Variants in ARHGEF6 observed in about 807,000 individuals in gnomAD.
The protein encoded by ARHGEF6 is Rac/Cdc42 guanine nucleotide exchange factor 6.
Under a neutral mutation model 70.3 loss-of-function variants are expected in ARHGEF6, and 9 were observed. That is an observed-to-expected ratio of 0.13 (90% confidence interval 0.08 to 0.22). ARHGEF6 has a LOEUF of 0.22. ARHGEF6 is among the 10% of genes least tolerant of loss of function. The probability of loss-of-function intolerance (pLI) is 1.00; values close to 1 mark genes in which losing one functional copy is unlikely to be tolerated. For synonymous variants in ARHGEF6, 201 were observed against 207.8 expected (o/e 0.97, Z 0.28); for missense variants, 470 against 563.0 (o/e 0.83, Z 1.67).
At chrX:136,715,074 G>A (rs746772018) in intron 6 of ARHGEF6, among the ~76,000 whole-genome samples, 37 of 111,463 alleles carry the variant, frequency 3.3e-4, no homozygotes, top group African/African-American at 1.2e-3. Flanking sequence ...AAGAACACAG[G>A]ATGGCTTCAA....
rs193260794 is a variant in ARHGEF6 at position 136,706,716 on chromosome X, G to A, written c.1046+192C>T. ...CTGTATCCCCATCAGCTGGTACAGG[G>A]CCTTGCACATAGTAGGTGCTCAAGA... On this transcript the variant is annotated intron_variant, in intron 9 of 21. Coordinates refer to ENST00000250617, the MANE Select transcript of ARHGEF6 (RefSeq NM_004840.3). 2.7e-5 allele frequency among the ~76,000 whole-genome samples: 3 copies of A among 112,066 alleles called. No homozygotes were observed. The East Asian group carries it at 8.3e-4, about 31-fold the overall frequency.
intron 14 of ARHGEF6, among the ~76,000 whole-genome samples, 198 bp from the exon 15 acceptor site, chrX:136,681,074 T>C (rs982730927): frequency 8.9e-6 from 1 of 112,505 alleles, no homozygotes; most frequent in Non-Finnish European, 1.9e-5. Flanking sequence ...AATATTCATG[T>C]CTGATTTAGA....
At chrX:136,709,044 T>C (rs904506328) in intron 7 of ARHGEF6, among the ~76,000 whole-genome samples, 3 of 112,182 alleles carry the variant, frequency 2.7e-5, no homozygotes, top group South Asian at 7.4e-4. Context: ...TGCTTAATAC[T>C]GAAGTATACA....
At chrX:136,704,909 C>A (rs1298983929) in intron 9 of ARHGEF6, among the ~76,000 whole-genome samples, 2 of 112,146 alleles carry the variant, frequency 1.8e-5, no homozygotes, top group African/African-American at 6.5e-5. Context: ...TGTCTATAAT[C>A]AAAAAGACTG....
intron 2 of ARHGEF6, 90 bp from the exon 3 acceptor site, chrX:136,747,682 CGGAAAAAAAA>C (rs1569418697): frequency 2.1e-5 from 4 of 187,634 alleles, no homozygotes; most frequent in East Asian, 1.9e-4. Flanking sequence ...TCCAGCTCTC[CGGAAAAAAAA>C]AAAAAAAAAA....
At chrX:136,725,346 T>A (rs1352778197) in intron 6 of ARHGEF6, among the ~76,000 whole-genome samples, 2 of 107,651 alleles carry the variant, frequency 1.9e-5, no homozygotes, top group Non-Finnish European at 3.8e-5. Flanking sequence ...GGTTAATAAG[T>A]CTTTTTATCA....
At chrX:136,722,864 T>C (rs1294083278) in intron 6 of ARHGEF6, among the ~76,000 whole-genome samples, 1 of 112,340 alleles carries the variant, frequency 8.9e-6, no homozygotes, top group African/African-American at 3.2e-5. Flanking sequence ...ACAGCAGCAT[T>C]TGTAATAATA....
At chrX:136,710,589 T>C (rs1210165127) in intron 7 of ARHGEF6, among the ~76,000 whole-genome samples, 1 of 109,459 alleles carries the variant, frequency 9.1e-6, no homozygotes, top group Non-Finnish European at 1.9e-5. Flanking sequence ...AGTTGGGGCC[T>C]TACCTGAACT....
At chrX:136,731,152 G>A (rs2076931130) in intron 6 of ARHGEF6, among the ~76,000 whole-genome samples, 1 of 112,163 alleles carries the variant, frequency 8.9e-6, no homozygotes, top group Non-Finnish European at 1.9e-5. Flanking sequence ...ATGTTACCTA[G>A]AGAGTTCCTT....
At chrX:136,738,340 G>A (rs1390927328) in intron 5 of ARHGEF6, among the ~76,000 whole-genome samples, 2 of 110,995 alleles carry the variant, frequency 1.8e-5, no homozygotes, top group Admixed American at 9.6e-5. Flanking sequence ...CCAATCACCC[G>A]CCCAACACAG....
chrX:136,686,645 CACAT>C (rs1418052004), intron 11 of ARHGEF6, among the ~76,000 whole-genome samples: 3 of 66,798 alleles, frequency 4.5e-5, no homozygotes, highest in Admixed American at 1.7e-4. Flanking sequence ...TATATATACA[CACAT>C]ATATATATAC....
Position 136,668,156 on chromosome X carries a change from A to C in ARHGEF6, c.2204T>G (p.Met735Arg). ...VRELKQENKRMKQCLEEELKS... is the reference protein window; with the variant it reads ...VRELKQENKRRKQCLEEELKS... The stretch of plus-strand genomic sequence containing the variant: ...CAGTTCTTCTTCCAGGCATTGCTTC[A>C]TTCTTTTATTTTCCTATGATGGGGA... The change falls in exon 22 of 22, where the codon ATG becomes AGG. Residue 735 changes from methionine (M) to arginine (R), a missense_variant. By Grantham distance (91) the Met-to-Arg change is moderately conservative. Transcript: ENST00000250617. 1 of 1,211,132 alleles carries C rather than the reference A, an allele frequency of 8.3e-7. No homozygotes were observed.
At chrX:136,676,070 CAT>C (rs1192773337) in intron 18 of ARHGEF6, among the ~76,000 whole-genome samples, 2 of 112,451 alleles carry the variant, frequency 1.8e-5, no homozygotes, top group African/African-American at 6.5e-5. Context: ...TACTCCTTCA[CAT>C]GTGTCCCAAA....
intron 5 of ARHGEF6, among the ~76,000 whole-genome samples, chrX:136,743,270 GAGA>G (rs2308033): frequency 0.33 from 36,878 of 110,586 alleles, 5,075 homozygotes; most frequent in African/African-American, 0.52. Flanking sequence ...TTAGAGTGGT[GAGA>G]AGGACTATGT....
At chrX:136,743,393 G>A (rs2077065063) in intron 5 of ARHGEF6, among the ~76,000 whole-genome samples, 192 bp downstream of exon 5, 2 of 112,063 alleles carry the variant, frequency 1.8e-5, no homozygotes, top group South Asian at 7.4e-4. Flanking sequence ...CTGCCTTAAT[G>A]TAATCTAAAT....
At chrX:136,692,101 T>C (rs1350729434) in intron 9 of ARHGEF6, among the ~76,000 whole-genome samples, 3 of 111,344 alleles carry the variant, frequency 2.7e-5, no homozygotes, top group African/African-American at 9.8e-5. Flanking sequence ...CGTGGGCTTT[T>C]CTGAGCAGGA....
Position 136,676,710 on chromosome X carries a change from C to T in ARHGEF6, c.1859G>A (p.Ser620Asn), listed in dbSNP as rs1336490247. The T allele has an allele frequency of 8.4e-7, 1 of 1,191,571 alleles. No individual in the cohort carries two copies. Among genetic ancestry groups the T allele is most frequent in the Non-Finnish European group, 1.1e-6 (1 of 877,124 alleles). The change falls in exon 18 of 22, where the codon AGT (serine) becomes AAT (asparagine). Residue 620 changes from serine (S) to asparagine (N), a missense_variant. Physicochemically the swap from Ser to Asn is conservative, Grantham distance 46. Transcript: ENST00000250617. ...TTTCTTCATCGTTTTAGGGCTTTTACTAGACTCCTGTGAGGACAGAGGTTT... is the reference window on the plus strand; with the variant it reads ...TTTCTTCATCGTTTTAGGGCTTTTATTAGACTCCTGTGAGGACAGAGGTTT... ...ERMSYILKES[S>N]KSPKTMKKFL...
intron 6 of ARHGEF6, among the ~76,000 whole-genome samples, chrX:136,729,891 T>G (rs188623860): frequency 9.1e-6 from 1 of 110,375 alleles, no homozygotes; most frequent in East Asian, 2.8e-4. Flanking sequence ...ATTTAAAAAT[T>G]TATATACACA....
intron 2 of ARHGEF6, among the ~76,000 whole-genome samples, chrX:136,758,331 C>T (rs1184842895): frequency 9.1e-6 from 1 of 109,471 alleles, no homozygotes; most frequent in East Asian, 2.8e-4. Flanking sequence ...GATTAACAGG[C>T]GTGAGCCACT....
Sources: allele counts gnomAD v4.1 joint callset (sites outside exome capture counted in the v4.1 genomes callset), GRCh38; gene constraint gnomAD v4.1.1; transcripts MANE v1.5; gene names NCBI Gene and HGNC (gene_info 2026-07-23, HGNC 2026-07-21).